CC2D2A: variants seen among roughly 807,000 people sequenced by gnomAD.
CC2D2A encodes the protein coiled-coil and C2 domain-containing protein 2A.
A neutral mutation model predicts 212.9 loss-of-function variants in CC2D2A; 155 were observed. The ratio of observed to expected loss-of-function variants is 0.73; its 90% CI spans 0.64 to 0.83. CC2D2A has a LOEUF of 0.83. CC2D2A is among the 40% of genes least tolerant of loss of function. CC2D2A has a pLI of 0.00. For missense variants in CC2D2A, 1,856 were observed against 1,956.2 expected, an observed-to-expected ratio of 0.95 and a Z score of 0.97; for synonymous variants, 667 against 686.5, an observed-to-expected ratio of 0.97 and a Z score of 0.44.
chr4:15,583,344 A>G (rs759667431), intron 30 of CC2D2A, among the ~76,000 whole-genome samples: 1 of 152,226 alleles, frequency 6.6e-6, no homozygotes, highest in Non-Finnish European at 1.5e-5. Flanking sequence ...TAGAGCAATG[A>G]GGCAAAAGAA....
At chr4:15,516,801 T>A (rs1165591781) in intron 11 of CC2D2A, 45 bp downstream of exon 11, 1 of 1,584,834 alleles carries the variant, frequency 6.3e-7, no homozygotes, top group East Asian at 2.3e-5. Context: ...AAATTGAAAG[T>A]GCTTTGCTTT....
intron 19 of CC2D2A, among the ~76,000 whole-genome samples, chr4:15,554,753 G>T (rs1381553611): frequency 6.6e-6 from 1 of 152,218 alleles, no homozygotes; most frequent in Non-Finnish European, 1.5e-5. Context: ...GGGATGTGAG[G>T]CTTTGTGGGC....
rs1473109354 is a variant in CC2D2A at position 15,553,193 on chromosome 4, C to A, written c.2374C>A (p.Gln792Lys). Reference sequence around the variant, plus strand: ...CTCATTTGAAGCTGATGGCAGTAACCAGCTGACTCTGATGACCTCAGGGAA... The same window carrying A: ...CTCATTTGAAGCTGATGGCAGTAACAAGCTGACTCTGATGACCTCAGGGAA... ...PFSFEADGSN[Q>K]LTLMTSGKVS... Residue 792 changes from glutamine to lysine, a missense_variant, in exon 19 of 37, where the codon CAG (glutamine) becomes AAG (lysine). This residue lies in a region of CC2D2A where 1,512 missense variants were observed against 1,579.3 expected (regional missense o/e 0.96). Coordinates refer to ENST00000424120, the MANE Select transcript of CC2D2A (RefSeq NM_001378615.1). 6.2e-7 allele frequency: 1 copy of A among 1,606,232 alleles called. No homozygotes were observed. The highest frequency in any genetic ancestry group is 1.3e-5 in the African/African-American group (1 of 74,466).
intron 4 of CC2D2A, among the ~76,000 whole-genome samples, chr4:15,501,153 G>A (rs1715926470): frequency 6.6e-6 from 1 of 152,114 alleles, no homozygotes; most frequent in African/African-American, 2.4e-5. Flanking sequence ...TGTCTGGGCT[G>A]TACCTCCAGG....
chr4:15,507,287 G>A (rs981862597), intron 6 of CC2D2A, among the ~76,000 whole-genome samples: 2 of 152,150 alleles, frequency 1.3e-5, no homozygotes, highest in Non-Finnish European at 2.9e-5. Context: ...AGAAAATGAA[G>A]GAGAAGTATA....
chr4:15,552,281 T>C (rs1719043310), intron 18 of CC2D2A, among the ~76,000 whole-genome samples: 1 of 152,192 alleles, frequency 6.6e-6, no homozygotes, highest in Admixed American at 6.5e-5. Context: ...TTTGCAAATA[T>C]TAACTTATTT....
At chr4:15,475,490 T>C (rs1714142458) in intron 1 of CC2D2A, among the ~76,000 whole-genome samples, 1 of 151,836 alleles carries the variant, frequency 6.6e-6, no homozygotes, top group Non-Finnish European at 1.5e-5. Context: ...TAGTAGCAAG[T>C]GGAAGCAGAG....
In CC2D2A at chr4:15,470,033, A is replaced by C. The variant is rs1260210969; in HGVS notation, c.-43A>C. 6.6e-6 allele frequency: 1 copy of C among 152,198 alleles called. No individual in the cohort carries two copies. Among genetic ancestry groups the C allele is most frequent in the Admixed American group, 6.5e-5 (1 of 15,274 alleles). The allele number at this position is 152,198 out of a possible 1,614,324, so 9.4% of individuals were successfully genotyped here. On this transcript the variant is annotated 5_prime_UTR_variant, in exon 1 of 37. Transcript: ENST00000424120. ...CCATCCTAGAATGCAGAATCTGCAA[A>C]GTGCCTTTTGTAAAGTTTCTTAAGG...
At chr4:15,538,475 A>G (rs1718256749) in intron 16 of CC2D2A, among the ~76,000 whole-genome samples, 1 of 152,070 alleles carries the variant, frequency 6.6e-6, no homozygotes, top group Non-Finnish European at 1.5e-5. Flanking sequence ...TGAGTCCCTT[A>G]TCTGTAACCT....
intron 26 of CC2D2A, among the ~76,000 whole-genome samples, chr4:15,568,844 G>C (rs1161728510): frequency 6.6e-6 from 1 of 152,138 alleles, no homozygotes; most frequent in Non-Finnish European, 1.5e-5. Flanking sequence ...TGTGAGGCAG[G>C]GACCATTAGA....
chr4:15,485,831 GT>G, intron 4 of CC2D2A, among the ~76,000 whole-genome samples: 1 of 152,228 alleles, frequency 6.6e-6, no homozygotes, highest in East Asian at 1.9e-4. Flanking sequence ...TGTTTTATCT[GT>G]TGAGATATTT....
At chr4:15,580,256 G>A (rs565066139) in intron 30 of CC2D2A, 85 bp downstream of exon 30, 1 of 963,108 alleles carries the variant, frequency 1.0e-6, no homozygotes, top group African/African-American at 1.6e-5. Context: ...ATATTTCATA[G>A]TGCTTAAGAT....
intron 6 of CC2D2A, among the ~76,000 whole-genome samples, chr4:15,506,207 C>T (rs534021928): frequency 6.6e-6 from 1 of 152,030 alleles, no homozygotes; most frequent in Non-Finnish European, 1.5e-5. Flanking sequence ...ATGCTCAATC[C>T]TTTTAAGTAT....
chr4:15,589,602 T>C lies in CC2D2A; in HGVS notation c.4237T>C (p.Cys1413Arg), dbSNP rs1424278075. Residue 1413 changes from cysteine to arginine, a missense_variant, in exon 33 of 37, where the codon TGC (cysteine) becomes CGC (arginine). This residue lies in a region of CC2D2A where 285 missense variants were observed against 278.4 expected (regional missense o/e 1.02). Transcript: ENST00000424120. ...AGGTCGTTATTTAATATGGAATCCC[T>C]GCAGTGGACATTTTTATGGACAATT... ...EQGRYLIWNP[C>R]SGHFYGQFDT... 1 of 1,612,912 alleles carries C rather than the reference T, an allele frequency of 6.2e-7. No homozygotes were observed. Among genetic ancestry groups the C allele is most frequent in the Admixed American group, 1.7e-5 (1 of 59,944 alleles).
chr4:15,499,758 G>A (rs1715817563), intron 4 of CC2D2A, among the ~76,000 whole-genome samples: 4 of 152,048 alleles, frequency 2.6e-5, no homozygotes, highest in Admixed American at 6.6e-5. Flanking sequence ...GGTGGTGGAG[G>A]GGGTTGGTGA....
intron 11 of CC2D2A, among the ~76,000 whole-genome samples, chr4:15,517,042 G>A (rs1468467741): frequency 6.8e-6 from 1 of 147,828 alleles, no homozygotes; most frequent in Non-Finnish European, 1.5e-5. Context: ...CCGCCTCCCG[G>A]GTTCACGCCA....
At chr4:15,532,272 T>G (rs1469627608) in intron 13 of CC2D2A, among the ~76,000 whole-genome samples, 8 of 152,210 alleles carry the variant, frequency 5.3e-5, no homozygotes, top group Non-Finnish European at 1.2e-4. Context: ...TTCTGCCATC[T>G]TCCTTTTCTA....
intron 13 of CC2D2A, among the ~76,000 whole-genome samples, chr4:15,532,026 C>T (rs192299039): frequency 6.6e-6 from 1 of 152,240 alleles, no homozygotes; most frequent in Non-Finnish European, 1.5e-5. Flanking sequence ...GCAGTCAACT[C>T]CTACCATACC....
At chr4:15,491,950 A>G (rs1560148060) in intron 4 of CC2D2A, among the ~76,000 whole-genome samples, 1 of 152,192 alleles carries the variant, frequency 6.6e-6, no homozygotes, top group Non-Finnish European at 1.5e-5. Flanking sequence ...CTAAAAATTA[A>G]TTGCCCAACT....
Sources: gnomAD v4.1 joint callset for allele counts (sites outside exome capture counted in the v4.1 genomes callset) on GRCh38, gnomAD v4.1.1 for gene constraint, gnomAD v4.1.1 regional missense constraint, MANE v1.5 for transcripts, NCBI Gene and HGNC (gene_info 2026-07-23, HGNC 2026-07-21) for gene names.